The following ZSWIM9 variants were observed in gnomAD, a reference collection of about 807,000 sequenced individuals.
ZSWIM9 encodes uncharacterized protein ZSWIM9.
A neutral mutation model predicts 25.0 loss-of-function variants in ZSWIM9; 11 were observed. The observed-to-expected ratio is 0.44, with a 90% CI of 0.28 to 0.73. The LOEUF (loss-of-function observed/expected upper bound fraction) is 0.73, where lower values mean the gene tolerates loss of function less well. Among genes scored for constraint, ZSWIM9 ranks in the 30% least tolerant of loss-of-function variants. The probability of loss-of-function intolerance (pLI) is 0.16; values close to 1 mark genes in which losing one functional copy is unlikely to be tolerated. For missense variants in ZSWIM9, 1,070 were observed against 1,296.5 expected (o/e 0.83, Z 2.68); for synonymous variants, 562 against 582.1 (o/e 0.97, Z 0.50).
At chr19:48,188,160 C>G (rs895931629) in intron 3 of ZSWIM9, among the ~76,000 whole-genome samples, 7 of 152,056 alleles carry the variant, frequency 4.6e-5, no homozygotes, top group African/African-American at 1.7e-4. Context: ...AAGGATGCGC[C>G]CAAAGCCACA....
intron 3 of ZSWIM9, among the ~76,000 whole-genome samples, chr19:48,187,474 A>AT (rs2037032323): frequency 1.4e-5 from 1 of 72,740 alleles, no homozygotes; most frequent in African/African-American, 6.3e-5. Flanking sequence ...TATATATTAT[A>AT]TATATTATAT....
intron 3 of ZSWIM9, among the ~76,000 whole-genome samples, chr19:48,183,830 G>T (rs916588711): frequency 2.1e-5 from 3 of 145,458 alleles, no homozygotes; most frequent in East Asian, 2.1e-4. Context: ...GAGATGTTTG[G>T]CGGGGGGGGG....
At position 48,182,470 on chromosome 19, in the gene ZSWIM9, C is replaced by T. The variant is rs1377562184; in HGVS notation, c.291C>T (p.Gly97=). 6.5e-7 allele frequency: 1 copy of T among 1,534,052 alleles called. No homozygotes were observed. The highest frequency in any genetic ancestry group is 8.7e-7 in the Non-Finnish European group (1 of 1,145,526). The change falls in exon 3 of 4, where the codon GGC becomes GGT. Residue 97 remains glycine (G), a synonymous_variant. Coordinates refer to ENST00000614654, the MANE Select transcript of ZSWIM9 (RefSeq NM_199341.4). This position sits in a 1 kb window ranked among gnomAD's most constrained non-coding sequence, Gnocchi z 4.6. ...CCTCCCACAGGCCTCCCCAGCCCGG[C>T]TGCCCCGCCTTCATCATCGTCAAGC... ...SRPAVGPPQP[G]CPAFIIVKLS...
intron 3 of ZSWIM9, among the ~76,000 whole-genome samples, chr19:48,193,935 G>A (rs1256856439): frequency 6.6e-6 from 1 of 152,182 alleles, no homozygotes; most frequent in African/African-American, 2.4e-5. Context: ...CTTGGCCTCA[G>A]AGGCTATGCT....
In ZSWIM9 at chr19:48,195,015, C is replaced by CACG; in HGVS notation, c.951_952insACG (p.Cys317_Arg318insThr). 7.3e-7 allele frequency: 1 copy of CACG among 1,365,816 alleles called. No homozygotes were observed. The highest frequency in any genetic ancestry group is 9.4e-7 in the Non-Finnish European group (1 of 1,067,340). The allele number at this position is 1,365,816 out of a possible 1,614,324, so 84.6% of individuals were successfully genotyped here. On this transcript the variant is annotated inframe_insertion, in exon 4 of 4. Transcript: ENST00000614654. This position sits in a 1 kb window ranked among gnomAD's most constrained non-coding sequence, Gnocchi z 5.8. Reference sequence around the variant, plus strand: ...TGCCCTGCGCGCGCGTGCAGATCTGCCGCGCGCAGGGCCTGGAGACGCTCT... The same window carrying CACG: ...TGCCCTGCGCGCGCGTGCAGATCTGCACGCGCGCGCAGGGCCTGGAGACGCTCT...
chr19:48,188,203 C>T (rs1168834121), intron 3 of ZSWIM9, among the ~76,000 whole-genome samples: 2 of 151,840 alleles, frequency 1.3e-5, no homozygotes, highest in South Asian at 4.2e-4. Context: ...TGGGGGGCGA[C>T]TTCACCCAGG....
chr19:48,188,371 C>T (rs1014345289), intron 3 of ZSWIM9, among the ~76,000 whole-genome samples: 9 of 151,876 alleles, frequency 5.9e-5, no homozygotes, highest in South Asian at 4.2e-4. Context: ...TACAGGCGTG[C>T]GCCACCAGGC....
Position 48,195,738 on chromosome 19 carries a change from C to A in ZSWIM9, c.1674C>A (p.Asp558Glu). Reference protein sequence around the residue: ...KGHLRGPEIRDWRGPQLEGEK... With the variant: ...KGHLRGPEIREWRGPQLEGEK... ...ACCTGAGAGGGCCAGAGATTAGAGACTGGAGGGGGCCCCAGTTGGAGGGTG... is the reference window on the plus strand; with the variant it reads ...ACCTGAGAGGGCCAGAGATTAGAGAATGGAGGGGGCCCCAGTTGGAGGGTG... Residue 558 changes from aspartate (D) to glutamate (E), a missense_variant, in exon 4 of 4, where the codon GAC (aspartate) becomes GAA (glutamate). By Grantham distance (45) the Asp-to-Glu change is conservative. This residue lies in a region of ZSWIM9 where 583 missense variants were observed against 624.7 expected (regional missense o/e 0.93). Transcript: ENST00000614654. This position sits in a 1 kb window ranked among gnomAD's most constrained non-coding sequence, Gnocchi z 5.8. The A allele has an allele frequency of 6.8e-7, 1 of 1,478,618 alleles. No homozygotes were observed. The highest frequency in any genetic ancestry group is 1.3e-5 in the South Asian group (1 of 74,764). 91.6% of individuals were successfully genotyped at this position (1,478,618 alleles called of 1,614,324 possible). A position where few individuals can be genotyped will look rare whatever the true frequency, so the allele number is the denominator to read the frequency against.
chr19:48,192,469 A>ATGT (rs1568582355), intron 3 of ZSWIM9, among the ~76,000 whole-genome samples: 6 of 23,924 alleles, frequency 2.5e-4, no homozygotes, highest in Admixed American at 6.6e-4. Context: ...AAAAAAAAAA[A>ATGT]AAAAAAAAAA....
chr19:48,186,116 G>A (rs78949938), intron 3 of ZSWIM9, among the ~76,000 whole-genome samples: 115 of 152,324 alleles, frequency 7.5e-4, no homozygotes, highest in African/African-American at 2.7e-3. Flanking sequence ...TTAATTTATC[G>A]AAATGTAAAC....
intron 3 of ZSWIM9, among the ~76,000 whole-genome samples, chr19:48,184,612 G>A (rs116331032): frequency 0.018 from 2,720 of 152,138 alleles, 62 homozygotes; most frequent in Middle Eastern, 0.071. Flanking sequence ...CCTCTGTCCC[G>A]ACATAATAAT....
At chr19:48,187,540 A>ATATATTATATTAT in intron 3 of ZSWIM9, 1 of 58,022 alleles carries the variant, frequency 1.7e-5, no homozygotes, top group Non-Finnish European at 3.1e-5. Flanking sequence ...TATTATTATT[A>ATATATTATATTAT]TATTATATTA....
intron 3 of ZSWIM9, among the ~76,000 whole-genome samples, chr19:48,188,352 A>G (rs929594700): frequency 1.3e-5 from 2 of 151,772 alleles, no homozygotes; most frequent in African/African-American, 4.8e-5. Context: ...CCTCTTGAGT[A>G]GCTGGGACTA....
chr19:48,187,582 A>G (rs1329467479), intron 3 of ZSWIM9: 22 of 67,560 alleles, frequency 3.3e-4, no homozygotes, highest in African/African-American at 1.0e-3. Flanking sequence ...TATATATTAT[A>G]TATTATATAA....
chr19:48,189,872 A>G (rs1042026993), intron 3 of ZSWIM9, among the ~76,000 whole-genome samples: 17 of 152,152 alleles, frequency 1.1e-4, no homozygotes, highest in African/African-American at 4.1e-4. Context: ...GACCATGTGG[A>G]TGTTTGCATA....
At chr19:48,185,226 G>A (rs550712248) in intron 3 of ZSWIM9, among the ~76,000 whole-genome samples, 12 of 147,766 alleles carry the variant, frequency 8.1e-5, no homozygotes, top group East Asian at 4.1e-4. Flanking sequence ...CGCAACCTCC[G>A]CCTCCCGGGT....
intron 2 of ZSWIM9, among the ~76,000 whole-genome samples, chr19:48,179,370 T>C (rs993524431): frequency 2.3e-4 from 35 of 152,022 alleles, no homozygotes; most frequent in African/African-American, 8.2e-4. Context: ...GCTCTTGCTA[T>C]GTTGCCCAGG....
At chr19:48,180,501 T>C (rs148957256) in intron 2 of ZSWIM9, among the ~76,000 whole-genome samples, 17 of 152,120 alleles carry the variant, frequency 1.1e-4, no homozygotes, top group African/African-American at 3.1e-4. Context: ...TCAATCTCTC[T>C]CTGACTTTGA....
At position 48,196,290 on chromosome 19, in the gene ZSWIM9, G is replaced by A. The variant is rs970637042; in HGVS notation, c.2226G>A (p.Lys742=). The change falls in exon 4 of 4, where the codon AAG becomes AAA. Residue 742 remains lysine (K), a synonymous_variant. Coordinates refer to ENST00000614654, the MANE Select transcript of ZSWIM9 (RefSeq NM_199341.4). ...DGGGARSVGP[K]SRAGRGMEWG... ...GGGGAGCCCGGTCCGTGGGCCCCAA[G>A]AGCCGAGCCGGACGAGGGATGGAGT... is the stretch of plus-strand genomic sequence containing the variant. 4.1e-6 allele frequency: 5 copies of A among 1,233,694 alleles called. No individual in the cohort carries two copies. In the African/African-American group the frequency reaches 4.7e-5, roughly 11 times the overall value. The allele number at this position is 1,233,694 out of a possible 1,614,324, so 76.4% of individuals were successfully genotyped here. A position where few individuals can be genotyped will look rare whatever the true frequency, so the allele number is the denominator to read the frequency against.
Sources: gnomAD v4.1 joint callset for allele counts (sites outside exome capture counted in the v4.1 genomes callset) on GRCh38, gnomAD v4.1.1 for gene constraint, gnomAD v4.1.1 regional missense constraint, Gnocchi (gnomAD v3.1) non-coding constraint, MANE v1.5 for transcripts, NCBI Gene and HGNC (gene_info 2026-07-23, HGNC 2026-07-21) for gene names.